Variants in RAB11FIP5 observed in about 807,000 individuals in gnomAD.
The protein encoded by RAB11FIP5 is RAB11 family interacting protein 5.
Under a neutral mutation model 85.1 loss-of-function variants are expected in RAB11FIP5, and 48 were observed. The ratio of observed to expected loss-of-function variants is 0.56; its 90% confidence interval spans 0.45 to 0.72. The LOEUF (loss-of-function observed/expected upper bound fraction) is 0.72. Among genes scored for constraint, RAB11FIP5 ranks in the 30% least tolerant of loss-of-function variants. The pLI, the probability that RAB11FIP5 is intolerant of heterozygous loss-of-function variation, is 0.00. For synonymous variants in RAB11FIP5, 729 were observed against 727.3 expected, an observed-to-expected ratio of 1.00 and a Z score of -0.04; for missense variants, 1,491 against 1,687.0, an observed-to-expected ratio of 0.88 and a Z score of 2.04.
At chr2:73,091,749 G>GAGC (rs1204551053) in intron 1 of RAB11FIP5, among the ~76,000 whole-genome samples, 1 of 152,190 alleles carries the variant, frequency 6.6e-6, no homozygotes, top group East Asian at 1.9e-4. Flanking sequence ...CCCTATAGAA[G>GAGC]AGCCCATCAT....
intron 1 of RAB11FIP5, among the ~76,000 whole-genome samples, chr2:73,092,166 G>A (rs1056040268): frequency 6.6e-6 from 1 of 152,188 alleles, no homozygotes; most frequent in Non-Finnish European, 1.5e-5. Context: ...CCCTAAATCT[G>A]GGCTAGGCCC....
intron 1 of RAB11FIP5, among the ~76,000 whole-genome samples, chr2:73,093,682 T>G (rs1259943085): frequency 6.6e-6 from 1 of 152,206 alleles, no homozygotes; most frequent in Non-Finnish European, 1.5e-5. Flanking sequence ...GTTGGGAGGC[T>G]AAGGCACGCC....
chr2:73,076,722 CT>C (rs1269617997), intron 4 of RAB11FIP5, among the ~76,000 whole-genome samples: 1 of 152,156 alleles, frequency 6.6e-6, no homozygotes, highest in Non-Finnish European at 1.5e-5. Context: ...CTGAAAAACC[CT>C]CCCTTGACCT....
In RAB11FIP5 at chr2:73,086,877, C is replaced by G. The variant is rs1684100275; in HGVS notation, c.1568+1173G>C. ...GAAACTGATCCACCCCCCCATACCC[C>G]TATCTATGAGGGTCTAACAGGGATT... On this transcript the variant is annotated intron_variant, in intron 3 of 5. Transcript: ENST00000486777. This position sits in a 1 kb window ranked among gnomAD's most constrained non-coding sequence, Gnocchi z 4.4. 6.6e-6 allele frequency among the ~76,000 whole-genome samples: 1 copy of G among 152,126 alleles called. No homozygotes were observed. Among genetic ancestry groups the G allele is most frequent in the Non-Finnish European group, 1.5e-5 (1 of 68,020 alleles).
chr2:73,107,529 C>T (rs1684552734), intron 1 of RAB11FIP5, among the ~76,000 whole-genome samples: 1 of 152,164 alleles, frequency 6.6e-6, no homozygotes, highest in South Asian at 2.1e-4. Context: ...CTTGAAACTC[C>T]CTGGTCCCAG....
chr2:73,074,203 A>G lies in RAB11FIP5; in HGVS notation c.*1318T>C, dbSNP rs184853891. Reference sequence around the variant, plus strand: ...GCTGAGATAGCAGCTTAATGGATGGATGGGAGGACAACAAAGGCTTTTTCC... The same window carrying G: ...GCTGAGATAGCAGCTTAATGGATGGGTGGGAGGACAACAAAGGCTTTTTCC... On this transcript the variant is annotated 3_prime_UTR_variant, in exon 6 of 6. Coordinates refer to ENST00000486777, the MANE Select transcript of RAB11FIP5 (RefSeq NM_001371272.1). The G allele has an allele frequency of 1.3e-5, 2 of 152,412 alleles. No homozygotes were observed. The highest frequency in any genetic ancestry group is 1.9e-4 in the East Asian group (1 of 5,186). The allele number at this position is 152,412 out of a possible 1,614,324, so 9.4% of individuals were successfully genotyped here. A position where few individuals can be genotyped will look rare whatever the true frequency, so the allele number is the denominator to read the frequency against.
At chr2:73,094,920 G>A (rs1684288434) in intron 1 of RAB11FIP5, among the ~76,000 whole-genome samples, 1 of 151,562 alleles carries the variant, frequency 6.6e-6, no homozygotes, top group African/African-American at 2.4e-5. Flanking sequence ...GATGAATTAG[G>A]CCTCCTAGAT....
chr2:73,083,258 A>G (rs1684028705), intron 3 of RAB11FIP5, among the ~76,000 whole-genome samples: 1 of 152,182 alleles, frequency 6.6e-6, no homozygotes, highest in Non-Finnish European at 1.5e-5. Flanking sequence ...CAAAGAGGGC[A>G]GACCCACACA....
chr2:73,099,383 A>G (rs969097879), intron 1 of RAB11FIP5, among the ~76,000 whole-genome samples: 3 of 152,178 alleles, frequency 2.0e-5, no homozygotes, highest in Non-Finnish European at 4.4e-5. Context: ...ATATTTAAAG[A>G]CATTCTGAGG....
intron 4 of RAB11FIP5, among the ~76,000 whole-genome samples, chr2:73,077,135 C>T (rs540937540): frequency 3.3e-5 from 5 of 152,342 alleles, no homozygotes; most frequent in South Asian, 2.1e-4. Context: ...CCAGAGCTCA[C>T]TGCCTGGACT....
In RAB11FIP5 at chr2:73,079,758, G is replaced by A. The variant is rs539369245; in HGVS notation, c.3474C>T (p.Gly1158=). Residue 1158 remains glycine, a synonymous_variant, in exon 4 of 6, where the codon GGC becomes GGT. Coordinates refer to ENST00000486777, the MANE Select transcript of RAB11FIP5 (RefSeq NM_001371272.1). ...PGPHEPSPPG[G]SPALLREDLA... is the part of the protein sequence containing the mutation. Reference sequence around the variant, plus strand: ...GGTCCTCCCTAAGTAGGGCAGGGGAGCCCCCAGGTGGGGAGGGCTCATGGG... The same window carrying A: ...GGTCCTCCCTAAGTAGGGCAGGGGAACCCCCAGGTGGGGAGGGCTCATGGG... 3 of 1,232,536 alleles carry A rather than the reference G, an allele frequency of 2.4e-6. No individual in the cohort carries two copies. The highest frequency in any genetic ancestry group is 6.3e-5 in the East Asian group (2 of 31,696). The allele number at this position is 1,232,536 out of a possible 1,614,324, so 76.3% of individuals were successfully genotyped here.
rs545405852 is a variant in RAB11FIP5, at chr2:73,091,067, T to TA, written c.432-1753dup. Among the ~76,000 whole-genome samples, 201 of 151,368 alleles carry TA rather than the reference T, an allele frequency of 1.3e-3. 1 individual carries two copies. Among genetic ancestry groups the TA allele is most frequent in the African/African-American group, 4.5e-3 (185 of 41,192 alleles). ...GCTCTGAAAAATAGACTTTATTAAC[T>TA]AAAAAAAAGAGAGCAGGGAACACAA... is the stretch of plus-strand genomic sequence containing the variant. On this transcript the variant is annotated intron_variant, in intron 1 of 5. Coordinates refer to ENST00000486777, the MANE Select transcript of RAB11FIP5 (RefSeq NM_001371272.1).
In RAB11FIP5 at chr2:73,089,350, C is replaced by T. The variant is rs764271777; in HGVS notation, c.432-35G>A. On this transcript the variant is annotated intron_variant, in intron 1 of 5. Transcript: ENST00000486777. This position sits in a 1 kb window ranked among gnomAD's most constrained non-coding sequence, Gnocchi z 4.6. ...GAGGGGAGCAGGCAGAACTCAGTCA[C>T]GGGCCCAGGGAGCCTGGCTCCCGCC... The T allele has an allele frequency of 1.1e-5, 18 of 1,605,860 alleles. No individual in the cohort carries two copies. The highest frequency in any genetic ancestry group is 6.7e-5 in the Admixed American group (4 of 60,010).
At chr2:73,106,905 C>T (rs1684538493) in intron 1 of RAB11FIP5, among the ~76,000 whole-genome samples, 1 of 152,168 alleles carries the variant, frequency 6.6e-6, no homozygotes, top group African/African-American at 2.4e-5. Context: ...ATACCCCCTC[C>T]CCACCCTGCA....
intron 2 of RAB11FIP5, 52 bp from the exon 3 acceptor site, chr2:73,088,801 T>G (rs1298642433): frequency 4.6e-6 from 7 of 1,537,768 alleles, no homozygotes; most frequent in Non-Finnish European, 6.1e-6. Flanking sequence ...CCCCATTTCC[T>G]GGCCCCAGGC....
At chr2:73,093,464 AT>A in intron 1 of RAB11FIP5, among the ~76,000 whole-genome samples, 1 of 152,338 alleles carries the variant, frequency 6.6e-6, no homozygotes, top group African/African-American at 2.4e-5. Flanking sequence ...TTGACTGAGT[AT>A]CCCCTGGGGC....
In RAB11FIP5 at chr2:73,089,436, A is replaced by G; in HGVS notation, c.432-121T>C. ...GAGAGCCACTGATAGCCTCTCCCCA[A>G]AGGCTCCTGCTCTGACCCATCGGCC... On this transcript the variant is annotated intron_variant, in intron 1 of 5. Coordinates refer to ENST00000486777, the MANE Select transcript of RAB11FIP5 (RefSeq NM_001371272.1). The surrounding 1 kb of genome is among the most constrained non-coding windows in gnomAD (Gnocchi z 4.6). 1 of 1,009,112 alleles carries G rather than the reference A, an allele frequency of 9.9e-7. No homozygotes were observed. The highest frequency in any genetic ancestry group is 1.3e-5 in the South Asian group (1 of 78,644). 62.5% of individuals were successfully genotyped at this position (1,009,112 alleles called of 1,614,324 possible).
At chr2:73,101,595 C>T (rs1684429958) in intron 1 of RAB11FIP5, among the ~76,000 whole-genome samples, 1 of 152,140 alleles carries the variant, frequency 6.6e-6, no homozygotes, top group South Asian at 2.1e-4. Context: ...GGTGGATTGA[C>T]ATTAGACTCC....
chr2:73,093,914 A>G (rs1288812559), intron 1 of RAB11FIP5, among the ~76,000 whole-genome samples: 1 of 152,192 alleles, frequency 6.6e-6, no homozygotes, highest in Admixed American at 6.5e-5. Flanking sequence ...TGAGGCCAGG[A>G]GTTTGAGACC....
Sources: allele counts gnomAD v4.1 joint callset (sites outside exome capture counted in the v4.1 genomes callset), GRCh38; gene constraint gnomAD v4.1.1; non-coding constraint Gnocchi (gnomAD v3.1); transcripts MANE v1.5; gene names NCBI Gene and HGNC (gene_info 2026-07-23, HGNC 2026-07-21).